LMNTD1: variants seen among roughly 807,000 people sequenced by gnomAD.
LMNTD1 encodes the protein lamin tail domain containing 1, also known as lamin tail domain-containing protein 1.
Under a neutral mutation model 50.9 loss-of-function variants are expected in LMNTD1, and 35 were observed. The ratio of observed to expected loss-of-function variants is 0.69; its 90% CI spans 0.53 to 0.91. The LOEUF (loss-of-function observed/expected upper bound fraction) is 0.91, where lower values mean the gene tolerates loss of function less well. LMNTD1 is among the 40% of genes least tolerant of loss of function. The pLI is 0.00. For synonymous variants in LMNTD1, 153 were observed against 161.9 expected (o/e 0.94, Z 0.42); for missense variants, 470 against 475.5 (o/e 0.99, Z 0.11).
chr12:25,482,333 A>T (rs1421063136), intron 9 of LMNTD1, among the ~76,000 whole-genome samples: 3 of 151,994 alleles, frequency 2.0e-5, no homozygotes, highest in Non-Finnish European at 2.9e-5. Flanking sequence ...TACATCCCCC[A>T]GTAACTATAT....
At chr12:25,566,670 A>G (rs1592032497) in intron 1 of LMNTD1, among the ~76,000 whole-genome samples, 1 of 152,250 alleles carries the variant, frequency 6.6e-6, no homozygotes, top group East Asian at 1.9e-4. Flanking sequence ...AGAGGCCTCA[A>G]CCCTGTCTTT....
chr12:25,486,022 GT>G (rs1417537238), intron 9 of LMNTD1, among the ~76,000 whole-genome samples: 1 of 103,812 alleles, frequency 9.6e-6, no homozygotes, highest in Admixed American at 1.1e-4. Flanking sequence ...CTTTAAAGTA[GT>G]TTTTTCCAAT....
chr12:25,483,870 C>A (rs1938525091), intron 9 of LMNTD1, among the ~76,000 whole-genome samples: 1 of 151,636 alleles, frequency 6.6e-6, no homozygotes, highest in Non-Finnish European at 1.5e-5. Context: ...AACCATTTAA[C>A]TCCTTGGTTA....
chr12:25,599,915 C>T (rs146846678), intron 1 of LMNTD1, among the ~76,000 whole-genome samples: 21 of 152,034 alleles, frequency 1.4e-4, no homozygotes, highest in African/African-American at 4.8e-4. Context: ...GTCAAAATAC[C>T]AATGACATTC....
intron 1 of LMNTD1, among the ~76,000 whole-genome samples, chr12:25,630,983 CA>C (rs1434146491): frequency 9.2e-5 from 14 of 152,170 alleles, no homozygotes; most frequent in African/African-American, 3.4e-4. Context: ...GGAGTGAGAC[CA>C]GCCCTTCAGT....
chr12:25,500,344 A>T (rs761807682), intron 9 of LMNTD1, among the ~76,000 whole-genome samples: 10 of 152,166 alleles, frequency 6.6e-5, no homozygotes, highest in Non-Finnish European at 1.5e-4. Context: ...AGAAACTGTT[A>T]TAAAAACTTC....
chr12:25,579,138 T>G (rs1299410025), intron 1 of LMNTD1, among the ~76,000 whole-genome samples: 1 of 152,222 alleles, frequency 6.6e-6, no homozygotes, highest in Non-Finnish European at 1.5e-5. Context: ...ATGAGTTATC[T>G]GTCAAGTAAG....
At chr12:25,551,474 C>T (rs1565471164) in intron 2 of LMNTD1, among the ~76,000 whole-genome samples, 1 of 152,222 alleles carries the variant, frequency 6.6e-6, no homozygotes, top group South Asian at 2.1e-4. Flanking sequence ...ACTGCAACCA[C>T]CAACTCCTGG....
intron 4 of LMNTD1, among the ~76,000 whole-genome samples, chr12:25,528,280 T>C (rs949557155): frequency 1.3e-5 from 2 of 152,174 alleles, no homozygotes; most frequent in African/African-American, 4.8e-5. Flanking sequence ...ATTTTATAAA[T>C]AGAAAAACTG....
At chr12:25,534,482 C>A (rs946605987) in intron 4 of LMNTD1, among the ~76,000 whole-genome samples, 22 of 152,264 alleles carry the variant, frequency 1.4e-4, no homozygotes, top group Admixed American at 8.5e-4. Flanking sequence ...TGCATCCTCT[C>A]TGACTTGAGG....
At chr12:25,515,028 C>T (rs1445365742) in intron 8 of LMNTD1, among the ~76,000 whole-genome samples, 1 of 151,922 alleles carries the variant, frequency 6.6e-6, no homozygotes, top group Non-Finnish European at 1.5e-5. Context: ...GATACAGGTA[C>T]CATACAACTG....
intron 8 of LMNTD1, among the ~76,000 whole-genome samples, chr12:25,507,530 G>A (rs1939895893): frequency 6.6e-6 from 1 of 152,134 alleles, no homozygotes; most frequent in South Asian, 2.1e-4. Flanking sequence ...GCCAGTACAG[G>A]GCACTTTGGG....
chr12:25,544,427 C>T (rs1943298803), intron 4 of LMNTD1, among the ~76,000 whole-genome samples: 2 of 151,538 alleles, frequency 1.3e-5, no homozygotes, highest in South Asian at 4.2e-4. Flanking sequence ...TTTTTCTATC[C>T]CTTCACTTTC....
chr12:25,584,674 C>A (rs1163520155), intron 1 of LMNTD1, among the ~76,000 whole-genome samples: 1 of 152,160 alleles, frequency 6.6e-6, no homozygotes, highest in Non-Finnish European at 1.5e-5. Context: ...AGAATGATTC[C>A]TTTTAAAATA....
intron 1 of LMNTD1, among the ~76,000 whole-genome samples, chr12:25,565,384 A>C (rs1027563634): frequency 6.6e-6 from 1 of 152,154 alleles, no homozygotes; most frequent in Non-Finnish European, 1.5e-5. Context: ...TGAGGCTTGC[A>C]AATACTATCT....
chr12:25,610,237 G>A (rs140218741), intron 1 of LMNTD1, among the ~76,000 whole-genome samples: 183 of 152,320 alleles, frequency 1.2e-3, no homozygotes, highest in Non-Finnish European at 2.4e-3. Flanking sequence ...TCCCAGTACA[G>A]TCTGTCATGG....
intron 1 of LMNTD1, among the ~76,000 whole-genome samples, chr12:25,598,544 CAGA>C (rs1242329541): frequency 6.6e-6 from 1 of 151,426 alleles, no homozygotes; most frequent in Non-Finnish European, 1.5e-5. Context: ...GAAAACAATA[CAGA>C]AGATCAATAA....
At chr12:25,635,006 C>T (rs564934700) in intron 1 of LMNTD1, among the ~76,000 whole-genome samples, 42 of 152,062 alleles carry the variant, frequency 2.8e-4, no homozygotes, top group African/African-American at 9.6e-4. Context: ...TTTGGGAGGC[C>T]GAGGCCGTGG....
chr12:25,624,333 TG>T (rs1946540038), intron 1 of LMNTD1, among the ~76,000 whole-genome samples: 1 of 152,354 alleles, frequency 6.6e-6, no homozygotes, highest in African/African-American at 2.4e-5. Context: ...TGATTTTCAT[TG>T]GTTTCCCTTA....
Sources: allele counts gnomAD v4.1 joint callset (sites outside exome capture counted in the v4.1 genomes callset), GRCh38; gene constraint gnomAD v4.1.1; transcripts MANE v1.5; gene names NCBI Gene and HGNC (gene_info 2026-07-23, HGNC 2026-07-21).